The following PARVG variants were observed in gnomAD, a reference collection of about 807,000 sequenced individuals.
PARVG encodes parvin gamma.
PARVG carries 36 observed loss-of-function variants against 44.4 expected under a neutral mutation model. The ratio of observed to expected loss-of-function variants is 0.81; its 90% confidence interval spans 0.62 to 1.07. PARVG has a LOEUF of 1.07. Among genes scored for constraint, PARVG ranks in the 50% least tolerant of loss-of-function variants. PARVG has a pLI of 0.00. For synonymous variants in PARVG, 170 were observed against 174.1 expected, an observed-to-expected ratio of 0.98 and a Z score of 0.19; for missense variants, 407 against 407.4, an observed-to-expected ratio of 1.00 and a Z score of 0.01.
exon 1 of PARVG, chr22:44,173,148 G>T (rs2054285852): frequency 7.8e-7 from 1 of 1,286,024 alleles, no homozygotes; most frequent in Non-Finnish European, 1.0e-6. Flanking sequence ...CCAAACTTCT[G>T]CTGGGACCAC....
chr22:44,183,095 G>A (rs1040788930), intron 2 of PARVG: 16 of 519,006 alleles, frequency 3.1e-5, no homozygotes, highest in African/African-American at 2.0e-4. Flanking sequence ...GGCTGTGCCC[G>A]CCCTCAGCTT....
intron 1 of PARVG, 151 bp from the exon 2 acceptor site, chr22:44,181,591 G>C: frequency 1.6e-6 from 1 of 619,392 alleles, no homozygotes. Context: ...GGCGGGGAGA[G>C]GGGGAGAAAT....
In PARVG at chr22:44,193,813, C is replaced by T. The variant is rs139132698; in HGVS notation, c.573C>T (p.Asp191=). ...ACCCACTGCACAGCACAGACAAGGA[C>T]GAGCCTCCAAGTGAGTACTTTCATC... ...EQLTEYSTDK[D]EPPKDVFDEL... Residue 191 remains aspartate, a synonymous_variant, in exon 9 of 14, where the codon GAC becomes GAT. Transcript: ENST00000444313. 5.9e-5 allele frequency: 96 copies of T among 1,614,034 alleles called. 1 individual carries two copies. Among genetic ancestry groups the T allele is most frequent in the African/African-American group, 2.9e-4 (22 of 75,012 alleles).
At chr22:44,204,842 C>T (rs1163208604) in intron 12 of PARVG, among the ~76,000 whole-genome samples, 1 of 152,210 alleles carries the variant, frequency 6.6e-6, no homozygotes, top group Non-Finnish European at 1.5e-5. Flanking sequence ...TTCACCCACA[C>T]CAGGCTGCTG....
chr22:44,187,303 T>C, intron 4 of PARVG: 1 of 195,346 alleles, frequency 5.1e-6, no homozygotes, highest in Non-Finnish European at 1.1e-5. Flanking sequence ...GATGCATCAC[T>C]GCAGTCCCCA....
At chr22:44,173,646 G>A (rs991967985) in intron 1 of PARVG, among the ~76,000 whole-genome samples, 5 of 152,310 alleles carry the variant, frequency 3.3e-5, no homozygotes, top group Admixed American at 2.6e-4. Context: ...CCGTGACTGC[G>A]GGGAGCGAAG....
intron 12 of PARVG, 144 bp downstream of exon 12, chr22:44,198,866 C>T (rs2054655168): frequency 1.7e-6 from 1 of 595,268 alleles, no homozygotes; most frequent in Admixed American, 3.0e-5. Context: ...GCCTATCCAT[C>T]CATCCATCCA....
intron 6 of PARVG, among the ~76,000 whole-genome samples, chr22:44,189,695 T>A (rs2054522343): frequency 6.6e-6 from 1 of 152,116 alleles, no homozygotes; most frequent in Non-Finnish European, 1.5e-5. Flanking sequence ...GGCGGGTGGA[T>A]CACCTGAGGT....
rs946611579 is a variant in PARVG, at chr22:44,208,358, G to C, written c.*1932G>C. ...CATCACCATGCAAGTTTCTGCATCT[G>C]TCTGCAGCCAGTTCCCTTCTCCCAG... On this transcript the variant is annotated 3_prime_UTR_variant, in exon 14 of 14. Transcript: ENST00000444313. The C allele has an allele frequency of 2.0e-5, 3 of 152,214 alleles. No individual in the cohort carries two copies. Among genetic ancestry groups the C allele is most frequent in the Non-Finnish European group, 4.4e-5 (3 of 68,048 alleles). 9.4% of individuals were successfully genotyped at this position (152,214 alleles called of 1,614,324 possible).
rs754246534 is a variant in PARVG at position 44,183,311 on chromosome 22, T to G, written c.-12-7T>G. 1 of 1,601,830 alleles carries G rather than the reference T, an allele frequency of 6.2e-7. No homozygotes were observed. Among genetic ancestry groups the G allele is most frequent in the South Asian group, 1.1e-5 (1 of 88,126 alleles). Reference sequence around the variant, plus strand: ...CCGTGACGCCCTCTCCTGCCTCCTCTGTGCAGGCTTGGGAGGCGATGGAGC... The same window carrying G: ...CCGTGACGCCCTCTCCTGCCTCCTCGGTGCAGGCTTGGGAGGCGATGGAGC... On this transcript the variant is annotated splice_polypyrimidine_tract_variant and splice_region_variant and intron_variant, in intron 2 of 13. Coordinates refer to ENST00000444313, the MANE Select transcript of PARVG (RefSeq NM_022141.7).
At chr22:44,179,382 A>G (rs1157165853), upstream of PARVG, among the ~76,000 whole-genome samples, 1 of 152,218 alleles carries the variant, frequency 6.6e-6, no homozygotes, top group Non-Finnish European at 1.5e-5. The surrounding 1 kb of genome is among the most constrained non-coding windows in gnomAD (Gnocchi z 4.2). Flanking sequence ...GATAGCTTTG[A>G]GGGCTATCAG....
intron 4 of PARVG, chr22:44,186,483 C>CA (rs1319837586): frequency 6.6e-6 from 3 of 457,938 alleles, no homozygotes; most frequent in African/African-American, 6.0e-5. Context: ...TCCTGGCCTA[C>CA]ACCATCTTCC....
intron 3 of PARVG, 71 bp from the exon 4 acceptor site, chr22:44,185,737 T>C: frequency 7.4e-7 from 1 of 1,351,600 alleles, no homozygotes; most frequent in South Asian, 1.2e-5. Context: ...AATCTGTGGG[T>C]GACCTGCAGG....
At chr22:44,181,247 T>C (rs2054371357) in intron 1 of PARVG, 62 bp downstream of exon 1, 2 of 731,872 alleles carry the variant, frequency 2.7e-6, no homozygotes, top group Non-Finnish European at 3.3e-6. Context: ...TTAAGAGCTA[T>C]TGGGTGCCGT....
chr22:44,181,888 C>T lies in PARVG; in HGVS notation c.-42C>T, dbSNP rs758567986. ...GGGACCACCCTTTGCACTCAGTAGGCCTTTGTTTTCCTGCGTGGAAAGCGG... is the reference window on the plus strand; with the variant it reads ...GGGACCACCCTTTGCACTCAGTAGGTCTTTGTTTTCCTGCGTGGAAAGCGG... On this transcript the variant is annotated 5_prime_UTR_variant, in exon 2 of 14. Transcript: ENST00000444313. 1.0e-6 allele frequency: 1 copy of T among 985,374 alleles called. No individual in the cohort carries two copies. Among genetic ancestry groups the T allele is most frequent in the African/African-American group, 1.7e-5 (1 of 57,200 alleles). 61.0% of individuals were successfully genotyped at this position (985,374 alleles called of 1,614,324 possible).
At position 44,206,861 on chromosome 22, in the gene PARVG, A is replaced by C; in HGVS notation, c.*435A>C. The C allele has an allele frequency of 5.4e-6, 1 of 185,676 alleles. No homozygotes were observed. The highest frequency in any genetic ancestry group is 1.1e-5 in the Non-Finnish European group (1 of 90,574). The allele number at this position is 185,676 out of a possible 1,614,324, so 11.5% of individuals were successfully genotyped here. On this transcript the variant is annotated 3_prime_UTR_variant, in exon 14 of 14. Coordinates refer to ENST00000444313, the MANE Select transcript of PARVG (RefSeq NM_022141.7). The stretch of plus-strand genomic sequence containing the variant: ...TTTTCCAGCCCAGCTCCCCACACCC[A>C]CCTGCTTCTCACTCGGGAGGATGGG...
At chr22:44,201,246 C>T (rs1454732001) in intron 12 of PARVG, among the ~76,000 whole-genome samples, 2 of 152,194 alleles carry the variant, frequency 1.3e-5, no homozygotes, top group Non-Finnish European at 2.9e-5. Context: ...TAGCTCCCTG[C>T]ACTTTGCCTC....
chr22:44,187,660 C>A, intron 4 of PARVG, 116 bp from the exon 5 acceptor site: 2 of 930,308 alleles, frequency 2.1e-6, no homozygotes, highest in South Asian at 1.4e-5. Flanking sequence ...TGACATTTGA[C>A]CAGGCCTTGA....
At chr22:44,201,922 C>T (rs929292751) in intron 12 of PARVG, among the ~76,000 whole-genome samples, 2 of 152,238 alleles carry the variant, frequency 1.3e-5, no homozygotes, top group African/African-American at 4.8e-5. Flanking sequence ...GGCATGAGGC[C>T]CTGGCTCAGA....
Sources: gnomAD v4.1 joint callset for allele counts (sites outside exome capture counted in the v4.1 genomes callset) on GRCh38, gnomAD v4.1.1 for gene constraint, Gnocchi (gnomAD v3.1) non-coding constraint, MANE v1.5 for transcripts, NCBI Gene and HGNC (gene_info 2026-07-23, HGNC 2026-07-21) for gene names.